Variants in ADGRE3 observed in about 807,000 individuals in gnomAD.
The protein encoded by ADGRE3 is EGF-like module receptor 3.
Under a neutral mutation model 80.1 loss-of-function variants are expected in ADGRE3, and 88 were observed. That is an observed-to-expected ratio of 1.10 (90% CI 0.93 to 1.31). ADGRE3 has a LOEUF of 1.31. Among genes scored for constraint, ADGRE3 ranks in the 40% most tolerant of loss-of-function variants. ADGRE3 has a pLI of 0.00. For synonymous variants in ADGRE3, 281 were observed against 294.8 expected (o/e 0.95, Z 0.48); for missense variants, 715 against 776.5 (o/e 0.92, Z 0.94).
At chr19:14,620,496 A>ATATTCATGT (rs1970532377) in intron 15 of ADGRE3, among the ~76,000 whole-genome samples, 82 of 123,636 alleles carry the variant, frequency 6.6e-4, no homozygotes, top group East Asian at 1.7e-3. Context: ...AATATATATG[A>ATATTCATGT]ATATATGAAT....
intron 1 of ADGRE3, among the ~76,000 whole-genome samples, chr19:14,671,657 A>G (rs2146916287): frequency 6.6e-6 from 1 of 152,300 alleles, no homozygotes; most frequent in South Asian, 2.1e-4. Flanking sequence ...TTCCCCCAAG[A>G]AGATGCCAGG....
At chr19:14,649,168 A>C (rs1273798484) in intron 7 of ADGRE3, among the ~76,000 whole-genome samples, 59 of 100,978 alleles carry the variant, frequency 5.8e-4, no homozygotes, top group East Asian at 1.2e-3. Context: ...CTCTCTCCCC[A>C]TCTCTCTCTT....
chr19:14,668,572 C>T (rs1972166176), intron 2 of ADGRE3: 1 of 544,646 alleles, frequency 1.8e-6, no homozygotes, highest in African/African-American at 1.9e-5. Flanking sequence ...TTTGTACTCA[C>T]TGTGGTTAGC....
the ADGRE3 span, chr19:14,607,247 C>T: frequency 6.7e-6 from 2 of 299,302 alleles, no homozygotes; most frequent in South Asian, 1.5e-4. Context: ...CTCTGTCGCC[C>T]AGGCTGGAGT....
chr19:14,610,027 G>T, the ADGRE3 span: 2 of 1,506,298 alleles, frequency 1.3e-6, no homozygotes, highest in East Asian at 2.3e-5. Flanking sequence ...CCACCCTAAA[G>T]ATCCCTGTCC....
At chr19:14,623,299 T>TAAAAAAAAAAAAAAAAAA in intron 15 of ADGRE3, among the ~76,000 whole-genome samples, 1 of 16,702 alleles carries the variant, frequency 6.0e-5, no homozygotes, top group Non-Finnish European at 1.9e-4. Context: ...AAAAAAAAAA[T>TAAAAAAAAAAAAAAAAAA]AAAAAAAAAA....
chr19:14,663,277 A>T, intron 3 of ADGRE3, 141 bp downstream of exon 3: 1 of 340,590 alleles, frequency 2.9e-6, no homozygotes, highest in Non-Finnish European at 4.5e-6. Context: ...TGCTGGGATT[A>T]CAGGCTTGAG....
At chr19:14,667,978 G>C (rs1972148558) in intron 2 of ADGRE3, among the ~76,000 whole-genome samples, 2 of 152,150 alleles carry the variant, frequency 1.3e-5, no homozygotes, top group South Asian at 4.1e-4. Context: ...TCCAGGCTGG[G>C]CATGGTGGCT....
intron 1 of ADGRE3, 58 bp downstream of exon 1, chr19:14,674,688 A>G (rs1471705519): frequency 2.6e-6 from 4 of 1,563,856 alleles, no homozygotes; most frequent in Non-Finnish European, 3.5e-6. Context: ...TTGTTGAACC[A>G]AGTGGTCCCT....
chr19:14,611,150 A>C, the ADGRE3 span: 1 of 151,960 alleles, frequency 6.6e-6, no homozygotes, highest in African/African-American at 2.4e-5. Context: ...AAACCTAAAA[A>C]TACAGAACAT....
intron 6 of ADGRE3, among the ~76,000 whole-genome samples, chr19:14,653,956 T>TG (rs35907426): frequency 6.7e-6 from 1 of 150,204 alleles, no homozygotes; most frequent in Non-Finnish European, 1.5e-5. Flanking sequence ...TTTTTTTTTT[T>TG]TTTTTTTTTA....
the ADGRE3 span, among the ~76,000 whole-genome samples, chr19:14,600,453 ATC>A: frequency 0.012 from 1,837 of 152,336 alleles, 34 homozygotes; most frequent in African/African-American, 0.042. Flanking sequence ...AATAATTAAT[ATC>A]TGTTAGGTAG....
At chr19:14,659,831 A>AAAAAAAG (rs1339863857) in intron 4 of ADGRE3, among the ~76,000 whole-genome samples, 1 of 149,514 alleles carries the variant, frequency 6.7e-6, no homozygotes, top group Admixed American at 6.6e-5. Flanking sequence ...TGAAAAAAAA[A>AAAAAAAG]AAAAAAAAAA....
At chr19:14,668,947 T>C (rs1972178457) in intron 1 of ADGRE3, 95 bp from the exon 2 acceptor site, 1 of 1,213,106 alleles carries the variant, frequency 8.2e-7, no homozygotes, top group African/African-American at 1.5e-5. Flanking sequence ...TATCTATCAC[T>C]GTGTAACAAA....
At chr19:14,655,223 C>A (rs1430581171) in intron 5 of ADGRE3, 58 bp from the exon 6 acceptor site, 3 of 1,467,486 alleles carry the variant, frequency 2.0e-6, no homozygotes, top group Non-Finnish European at 2.8e-6. Context: ...AGTCCCATAT[C>A]CAAAAGAACA....
At chr19:14,610,347 G>A in the ADGRE3 span, 4 of 1,095,730 alleles carry the variant, frequency 3.7e-6, no homozygotes, top group African/African-American at 4.7e-5. Context: ...AGTTCCCAGG[G>A]GTGCAAGTCA....
Position 14,651,190 on chromosome 19 carries a change from C to G in ADGRE3, c.592G>C (p.Ala198Pro). Reference protein sequence around the residue: ...QNDSVAIETQAITDNCSEERK... With the variant: ...QNDSVAIETQPITDNCSEERK... Reference sequence around the variant, plus strand: ...TCTTCAGAGCAATTGTCTGTAATCGCTTGAGTTTCAATAGCTGGTAAGAAA... The same window carrying G: ...TCTTCAGAGCAATTGTCTGTAATCGGTTGAGTTTCAATAGCTGGTAAGAAA... The change falls in exon 7 of 16, where the codon GCG becomes CCG. Residue 198 changes from alanine (A) to proline (P), a missense_variant. Ala to Pro is a conservative substitution (Grantham distance 27). Transcript: ENST00000253673. 2.5e-6 allele frequency: 4 copies of G among 1,614,052 alleles called. No individual in the cohort carries two copies. The highest frequency in any genetic ancestry group is 3.4e-6 in the Non-Finnish European group (4 of 1,179,958).
chr19:14,616,779 G>C (rs115598947), downstream of ADGRE3, among the ~76,000 whole-genome samples: 1,143 of 138,224 alleles, frequency 8.3e-3, 16 homozygotes, highest in African/African-American at 0.029. Flanking sequence ...GTGGAAACAA[G>C]CTTTTTTCTA....
intron 10 of ADGRE3, 27 bp downstream of exon 10, chr19:14,641,392 G>T: frequency 6.2e-7 from 1 of 1,613,684 alleles, no homozygotes; most frequent in East Asian, 2.2e-5. Context: ...GGGGCAGAAA[G>T]GGCATCCTCT....
Sources: gnomAD v4.1 joint callset for allele counts (sites outside exome capture counted in the v4.1 genomes callset) on GRCh38, gnomAD v4.1.1 for gene constraint, MANE v1.5 for transcripts, NCBI Gene and HGNC (gene_info 2026-07-23, HGNC 2026-07-21) for gene names.